Variants in FNIP2 observed in about 807,000 individuals in gnomAD.
The protein encoded by FNIP2 is folliculin-interacting protein 2.
FNIP2 carries 32 observed loss-of-function variants against 108.7 expected under a neutral mutation model. The ratio of observed to expected loss-of-function variants is 0.29; its 90% CI spans 0.22 to 0.40. FNIP2 has a LOEUF of 0.40. FNIP2 is among the 10% of genes least tolerant of loss of function. The probability of loss-of-function intolerance (pLI) is 1.00; values close to 1 mark genes in which losing one functional copy is unlikely to be tolerated. For missense variants in FNIP2, 1,202 were observed against 1,381.6 expected (o/e 0.87, Z 2.06); for synonymous variants, 480 against 496.7 (o/e 0.97, Z 0.45).
intron 1 of FNIP2, among the ~76,000 whole-genome samples, chr4:158,792,198 C>T (rs1465075085): frequency 6.6e-6 from 1 of 152,168 alleles, no homozygotes; most frequent in Admixed American, 6.5e-5. Flanking sequence ...AAATTTGTAA[C>T]CCCAAAATCA....
At chr4:158,848,138 A>G (rs1034775939) in intron 7 of FNIP2, among the ~76,000 whole-genome samples, 1 of 152,222 alleles carries the variant, frequency 6.6e-6, no homozygotes, top group Non-Finnish European at 1.5e-5. Flanking sequence ...GTCTTCAGCA[A>G]ATACAGGCGG....
At chr4:158,866,280 G>A (rs906391536) in intron 12 of FNIP2, among the ~76,000 whole-genome samples, 2 of 136,492 alleles carry the variant, frequency 1.5e-5, no homozygotes, top group African/African-American at 2.8e-5. Flanking sequence ...GTGCGGTGGC[G>A]TGATCTCGGC....
At chr4:158,891,391 G>A in intron 14 of FNIP2, 55 bp from the exon 15 acceptor site, 1 of 1,495,654 alleles carries the variant, frequency 6.7e-7, no homozygotes, top group South Asian at 1.2e-5. Context: ...GTGAAACTTT[G>A]ACCTTTTGGA....
chr4:158,881,000 A>G (rs569376666), intron 14 of FNIP2, among the ~76,000 whole-genome samples: 161 of 152,340 alleles, frequency 1.1e-3, no homozygotes, highest in Non-Finnish European at 1.7e-3. Flanking sequence ...TTACAGCTAC[A>G]TAAAAGCTAA....
At chr4:158,863,944 A>G (rs1446359073) in intron 12 of FNIP2, among the ~76,000 whole-genome samples, 2 of 152,260 alleles carry the variant, frequency 1.3e-5, no homozygotes, top group Non-Finnish European at 2.9e-5. Context: ...TCAGAAGTTT[A>G]CATTGTATTT....
intron 8 of FNIP2, among the ~76,000 whole-genome samples, chr4:158,857,316 A>G (rs139348632): frequency 6.6e-6 from 1 of 152,366 alleles, no homozygotes; most frequent in East Asian, 1.9e-4. Context: ...CCTATACAGA[A>G]CAGAAATCAA....
chr4:158,773,956 A>G (rs775254866), intron 1 of FNIP2, among the ~76,000 whole-genome samples: 1 of 152,248 alleles, frequency 6.6e-6, no homozygotes, highest in African/African-American at 2.4e-5. Context: ...GCAAAATGAT[A>G]TAGTCACACA....
intron 1 of FNIP2, among the ~76,000 whole-genome samples, chr4:158,794,869 C>A (rs1418554910): frequency 1.3e-5 from 2 of 152,176 alleles, no homozygotes; most frequent in Admixed American, 6.5e-5. Flanking sequence ...AAAGAAAATT[C>A]TTGGGTCCAG....
chr4:158,833,654 C>A (rs1426199127), intron 6 of FNIP2, 26 bp downstream of exon 6: 6 of 1,575,582 alleles, frequency 3.8e-6, no homozygotes, highest in Non-Finnish European at 5.2e-6. Context: ...CAAACAAATT[C>A]TTTCTTTCTG....
intron 3 of FNIP2, among the ~76,000 whole-genome samples, chr4:158,831,071 G>A (rs1560784725): frequency 1.3e-5 from 2 of 152,180 alleles, no homozygotes; most frequent in South Asian, 2.1e-4. Context: ...AGTAAGGGAT[G>A]ATCTGAGAAA....
In FNIP2 at chr4:158,904,924, G is replaced by C. The variant is rs115862136; in HGVS notation, c.*380G>C. 256 of 161,040 alleles carry C rather than the reference G, an allele frequency of 1.6e-3. No homozygotes were observed. The highest frequency in any genetic ancestry group is 5.7e-3 in the African/African-American group (239 of 41,916). 10.0% of individuals were successfully genotyped at this position (161,040 alleles called of 1,614,324 possible). ...GGTCAGCAGTGTACATAATATTCCA[G>C]TAGGAAACTGCTTCCAAGTTTAAGC... On this transcript the variant is annotated 3_prime_UTR_variant, in exon 17 of 17. Transcript: ENST00000264433.
At chr4:158,769,404 GA>G in intron 1 of FNIP2, 85 bp downstream of exon 1, 2 of 938,020 alleles carry the variant, frequency 2.1e-6, no homozygotes, top group Non-Finnish European at 2.9e-6. Context: ...AGGGGAAAGG[GA>G]AGGGACTGTC....
chr4:158,830,708 C>T (rs1778433723), intron 3 of FNIP2, among the ~76,000 whole-genome samples: 2 of 152,174 alleles, frequency 1.3e-5, no homozygotes, highest in Non-Finnish European at 2.9e-5. Flanking sequence ...AAGGGTGATT[C>T]CCATGTTTTT....
chr4:158,884,399 C>T (rs773164941), intron 14 of FNIP2, among the ~76,000 whole-genome samples: 3 of 152,150 alleles, frequency 2.0e-5, no homozygotes, highest in Non-Finnish European at 4.4e-5. Flanking sequence ...CATGTGAAAT[C>T]AAGAACAAGT....
At chr4:158,826,139 A>G (rs1447434360) in intron 2 of FNIP2, 97 bp downstream of exon 2, 4 of 1,449,032 alleles carry the variant, frequency 2.8e-6, no homozygotes, top group South Asian at 1.3e-5. Context: ...TTTGAGTTAT[A>G]TTATACAGTG....
At chr4:158,829,851 ACTTTTT>A (rs1778369336) in intron 3 of FNIP2, among the ~76,000 whole-genome samples, 1 of 152,160 alleles carries the variant, frequency 6.6e-6, no homozygotes, top group Non-Finnish European at 1.5e-5. Flanking sequence ...GATATATTGA[ACTTTTT>A]CTTAAACCCA....
In FNIP2 at chr4:158,829,091, G is replaced by A. The variant is rs1453337339; in HGVS notation, c.247G>A (p.Val83Ile). 3.1e-6 allele frequency: 5 copies of A among 1,609,324 alleles called. No homozygotes were observed. Among genetic ancestry groups the A allele is most frequent in the Non-Finnish European group, 3.4e-6 (4 of 1,177,832 alleles). ...TCTCTTAACCTAGAAAACAGAGGATGTTCCTATTAAAATATCAGCCAAGTG... is the reference window on the plus strand; with the variant it reads ...TCTCTTAACCTAGAAAACAGAGGATATTCCTATTAAAATATCAGCCAAGTG... Reference protein sequence around the residue: ...EEVTAQKTEDVPIKISAKCCQ... With the variant: ...EEVTAQKTEDIPIKISAKCCQ... The change falls in exon 3 of 17, where the codon GTT (valine) becomes ATT (isoleucine). Residue 83 changes from valine (V) to isoleucine (I), a missense_variant. By Grantham distance (29) the Val-to-Ile change is conservative. Transcript: ENST00000264433.
intron 12 of FNIP2, among the ~76,000 whole-genome samples, chr4:158,862,823 T>C (rs1044175876): frequency 3.9e-5 from 6 of 152,176 alleles, no homozygotes; most frequent in African/African-American, 1.4e-4. Context: ...AAAAACTTAG[T>C]CTCATTAAGT....
At chr4:158,841,977 A>G (rs1779159661) in intron 7 of FNIP2, among the ~76,000 whole-genome samples, 2 of 152,242 alleles carry the variant, frequency 1.3e-5, no homozygotes. Flanking sequence ...ATCCAAATCT[A>G]AAAGTGCCTG....
Sources: gnomAD v4.1 joint callset for allele counts (sites outside exome capture counted in the v4.1 genomes callset) on GRCh38, gnomAD v4.1.1 for gene constraint, MANE v1.5 for transcripts, NCBI Gene and HGNC (gene_info 2026-07-23, HGNC 2026-07-21) for gene names.